KYNU: variants seen among roughly 807,000 people sequenced by gnomAD.
The protein encoded by KYNU is L-kynurenine hydrolase.
A neutral mutation model predicts 59.2 loss-of-function variants in KYNU; 54 were observed. That is an observed-to-expected ratio of 0.91 (90% CI 0.73 to 1.14). KYNU has a LOEUF of 1.14. KYNU is among the 50% of genes most tolerant of loss of function. The pLI is 0.00. For synonymous variants in KYNU, 177 were observed against 192.0 expected (o/e 0.92, Z 0.65); for missense variants, 567 against 554.4 (o/e 1.02, Z -0.23).
intron 8 of KYNU, among the ~76,000 whole-genome samples, chr2:142,973,904 GC>G (rs1684811986): frequency 6.6e-6 from 1 of 152,168 alleles, no homozygotes; most frequent in South Asian, 2.1e-4. Flanking sequence ...TGTGTTAAGT[GC>G]TTGACAACGG....
intron 10 of KYNU, among the ~76,000 whole-genome samples, chr2:143,015,016 C>T (rs1427339267): frequency 6.6e-6 from 1 of 152,124 alleles, no homozygotes; most frequent in African/African-American, 2.4e-5. Context: ...ACCCTAGTCT[C>T]CCAAGTAGGT....
rs1315639837 is a variant in KYNU, at chr2:143,033,251, C to T, written c.971C>T (p.Pro324Leu). 8 of 1,612,390 alleles carry T rather than the reference C, an allele frequency of 5.0e-6. No homozygotes were observed. Among genetic ancestry groups the T allele is most frequent in the Non-Finnish European group, 5.1e-6 (6 of 1,178,526 alleles). ...FKMDNKLQLIPGVCGFRISNP... is the reference protein window; with the variant it reads ...FKMDNKLQLILGVCGFRISNP... ...AATTTCTCAGAACTGCAGTTAATCC[C>T]TGGGGTCTGTGGATTCCGAATTTCA... The change falls in exon 12 of 14, where the codon CCT becomes CTT. Residue 324 changes from proline (P) to leucine (L), a missense_variant. By Grantham distance (98) the Pro-to-Leu change is moderately conservative. Coordinates refer to ENST00000264170, the MANE Select transcript of KYNU (RefSeq NM_003937.3).
At chr2:142,986,729 C>G (rs1053770747) in intron 10 of KYNU, among the ~76,000 whole-genome samples, 1 of 150,636 alleles carries the variant, frequency 6.6e-6, no homozygotes, top group Non-Finnish European at 1.5e-5. Flanking sequence ...AAAAAAAAAA[C>G]CCTTTTCATA....
At chr2:143,022,113 C>T (rs995140936) in intron 10 of KYNU, among the ~76,000 whole-genome samples, 7 of 151,946 alleles carry the variant, frequency 4.6e-5, no homozygotes, top group Non-Finnish European at 8.8e-5. Flanking sequence ...TTATATCTGC[C>T]AAATCTTGGT....
chr2:143,030,223 T>C (rs1686700910), intron 11 of KYNU, among the ~76,000 whole-genome samples: 1 of 152,242 alleles, frequency 6.6e-6, no homozygotes, highest in Non-Finnish European at 1.5e-5. Flanking sequence ...TTTTCACTCC[T>C]CTTTTTTCCT....
intron 3 of KYNU, among the ~76,000 whole-genome samples, chr2:142,919,851 C>A (rs1213656508): frequency 6.6e-6 from 1 of 152,150 alleles, no homozygotes; most frequent in African/African-American, 2.4e-5. Flanking sequence ...ATGGATGGAT[C>A]TCCTAAGCTC....
intron 4 of KYNU, among the ~76,000 whole-genome samples, chr2:142,934,380 T>G (rs1439443878): frequency 1.3e-5 from 2 of 151,934 alleles, no homozygotes; most frequent in Non-Finnish European, 2.9e-5. Context: ...TAGAAGAAAG[T>G]TAGAAGCCCC....
intron 8 of KYNU, chr2:142,967,213 TTGAATGAATGAA>T (rs368316193): frequency 6.6e-6 from 1 of 152,110 alleles, no homozygotes; most frequent in African/African-American, 2.4e-5. Flanking sequence ...TAAGTATTTG[TTGAATGAATGAA>T]TGAATGAATG....
At chr2:142,971,977 C>T (rs182527640) in intron 8 of KYNU, among the ~76,000 whole-genome samples, 17 of 152,244 alleles carry the variant, frequency 1.1e-4, no homozygotes, top group Admixed American at 1.0e-3. Flanking sequence ...CTAAATTAAG[C>T]TTGAAAAACT....
intron 10 of KYNU, among the ~76,000 whole-genome samples, chr2:143,007,188 T>C (rs1685936090): frequency 6.6e-6 from 1 of 150,664 alleles, no homozygotes; most frequent in African/African-American, 2.5e-5. Flanking sequence ...ATAACTAGAA[T>C]AACCAATACA....
chr2:142,986,479 C>T (rs1216768066), intron 10 of KYNU, among the ~76,000 whole-genome samples: 2 of 151,872 alleles, frequency 1.3e-5, no homozygotes, highest in East Asian at 3.9e-4. Context: ...TAGGGAATAT[C>T]TTCTGTCCTA....
At chr2:143,024,391 C>CA (rs1332345633) in intron 10 of KYNU, among the ~76,000 whole-genome samples, 1 of 151,970 alleles carries the variant, frequency 6.6e-6, no homozygotes, top group Non-Finnish European at 1.5e-5. Context: ...ATAGTTTCAC[C>CA]AGTCATCTCT....
intron 4 of KYNU, among the ~76,000 whole-genome samples, chr2:142,936,680 A>G (rs926819417): frequency 1.3e-5 from 2 of 152,196 alleles, no homozygotes; most frequent in Non-Finnish European, 2.9e-5. Flanking sequence ...TGGACCGGAG[A>G]AACCAAGAGA....
chr2:142,924,336 G>C (rs1682982227), intron 3 of KYNU, among the ~76,000 whole-genome samples: 1 of 152,066 alleles, frequency 6.6e-6, no homozygotes, highest in Non-Finnish European at 1.5e-5. Context: ...CAAACACCTG[G>C]TCTCAAGGGA....
At chr2:142,929,824 T>C (rs10184787) in intron 4 of KYNU, among the ~76,000 whole-genome samples, 1,891 of 152,280 alleles carry the variant, frequency 0.012, 29 homozygotes, top group East Asian at 0.061. Flanking sequence ...AAGGTTCTTA[T>C]TATGTAGATA....
intron 4 of KYNU, 107 bp from the exon 5 acceptor site, chr2:142,954,703 T>G: frequency 1.3e-6 from 1 of 755,872 alleles, no homozygotes; most frequent in Non-Finnish European, 2.4e-6. Context: ...AATATGCCCT[T>G]ATCTCTAAAG....
Position 143,054,883 on chromosome 2 carries a change from G to A in KYNU, c.*12711G>A, listed in dbSNP as rs763904928. 2 of 152,132 alleles carry A rather than the reference G, an allele frequency of 1.3e-5. No individual in the cohort carries two copies. The highest frequency in any genetic ancestry group is 4.1e-4 in the South Asian group (2 of 4,832). The allele number at this position is 152,132 out of a possible 1,614,324, so 9.4% of individuals were successfully genotyped here. A position where few individuals can be genotyped will look rare whatever the true frequency, so the allele number is the denominator to read the frequency against. On this transcript the variant is annotated 3_prime_UTR_variant, in exon 14 of 14. Transcript: ENST00000264170. Reference sequence around the variant, plus strand: ...AAATGCAATGTGTGGACTTGGTTGGGATCTTCATTCAAAGACCAACTATAA... The same window carrying A: ...AAATGCAATGTGTGGACTTGGTTGGAATCTTCATTCAAAGACCAACTATAA...
chr2:142,985,822 C>A, intron 9 of KYNU, 126 bp from the exon 10 acceptor site: 1 of 659,340 alleles, frequency 1.5e-6, no homozygotes, highest in Non-Finnish European at 2.7e-6. Context: ...CATAAATACA[C>A]AAATAATCAC....
chr2:142,927,788 TATC>T, intron 4 of KYNU, 47 bp downstream of exon 4: 1 of 1,250,542 alleles, frequency 8.0e-7, no homozygotes, highest in Non-Finnish European at 1.2e-6. Flanking sequence ...GTAAAGATGT[TATC>T]ATTTAGTTAT....
Sources: gnomAD v4.1 joint callset for allele counts (sites outside exome capture counted in the v4.1 genomes callset) on GRCh38, gnomAD v4.1.1 for gene constraint, MANE v1.5 for transcripts, NCBI Gene and HGNC (gene_info 2026-07-23, HGNC 2026-07-21) for gene names.